Variants in TSHZ2 observed in about 807,000 individuals in gnomAD.
The protein encoded by TSHZ2 is teashirt zinc finger homeobox 2, also known as teashirt homolog 2.
In TSHZ2, 21 loss-of-function variants were observed where a neutral mutation model predicts 74.4. That is an observed-to-expected ratio of 0.28 (90% CI 0.20 to 0.41). The LOEUF (loss-of-function observed/expected upper bound fraction) is 0.41. Among genes scored for constraint, TSHZ2 ranks in the 10% least tolerant of loss-of-function variants. The pLI is 1.00. For missense variants in TSHZ2, 1,244 were observed against 1,293.5 expected (o/e 0.96, Z 0.59); for synonymous variants, 540 against 515.3 (o/e 1.05, Z -0.65).
At chr20:53,446,993 AC>A (rs1468514829) in intron 2 of TSHZ2, among the ~76,000 whole-genome samples, 11 of 152,276 alleles carry the variant, frequency 7.2e-5, no homozygotes, top group Admixed American at 5.9e-4. Context: ...GTGGAAACTT[AC>A]ACATTTTTTT....
At chr20:53,402,204 C>A (rs1013873167) in intron 2 of TSHZ2, among the ~76,000 whole-genome samples, 50 of 152,192 alleles carry the variant, frequency 3.3e-4, no homozygotes, top group Non-Finnish European at 2.6e-4. Context: ...ATAATGACTT[C>A]TTTTCCCCTG....
intron 1 of TSHZ2, among the ~76,000 whole-genome samples, chr20:52,998,381 C>G (rs977062353): frequency 6.6e-6 from 1 of 152,166 alleles, no homozygotes; most frequent in Non-Finnish European, 1.5e-5. Flanking sequence ...GTTGGCCAGG[C>G]TGGTCTCGAA....
chr20:53,222,715 CA>C lies in TSHZ2; in HGVS notation c.41-30783del, dbSNP rs538297531. 2.9e-3 allele frequency among the ~76,000 whole-genome samples: 440 copies of C among 152,316 alleles called. 1 individual carries two copies. The highest frequency in any genetic ancestry group is 5.2e-3 in the Admixed American group (80 of 15,290). ...AATGCAGTGAAGTTAGCCAAATGCC[CA>C]GAATCAGCAAGGGGGCTTGGACAGC... On this transcript the variant is annotated intron_variant, in intron 1 of 2. Coordinates refer to ENST00000371497, the MANE Select transcript of TSHZ2 (RefSeq NM_173485.6).
intron 2 of TSHZ2, among the ~76,000 whole-genome samples, chr20:53,414,147 A>T (rs548088054): frequency 3.3e-5 from 5 of 152,198 alleles, no homozygotes; most frequent in South Asian, 2.1e-4. Flanking sequence ...AATAAAATTT[A>T]AAAAATTTAA....
At chr20:53,013,661 T>G (rs888411598) in intron 1 of TSHZ2, among the ~76,000 whole-genome samples, 1 of 152,222 alleles carries the variant, frequency 6.6e-6, no homozygotes, top group Non-Finnish European at 1.5e-5. Flanking sequence ...ACATCTGTTT[T>G]GTTCACCATA....
rs16997737 is a variant in TSHZ2 at position 53,209,570 on chromosome 20, G to A, written c.41-43929G>A. On this transcript the variant is annotated intron_variant, in intron 1 of 2. Coordinates refer to ENST00000371497, the MANE Select transcript of TSHZ2 (RefSeq NM_173485.6). ...TAGGATATATCAATACTATCTAGCC[G>A]TAAAAAAGATACTGACAGGTGGCCC... Among the ~76,000 whole-genome samples, 1,241 of 152,262 alleles carry A rather than the reference G, an allele frequency of 8.2e-3. 70 individuals carry two copies. The highest frequency in any genetic ancestry group is 0.072 in the Admixed American group (1,099 of 15,294).
intron 2 of TSHZ2, among the ~76,000 whole-genome samples, chr20:53,469,331 G>A (rs1049649816): frequency 5.3e-5 from 8 of 151,616 alleles, no homozygotes; most frequent in Admixed American, 3.3e-4. Flanking sequence ...ATCACTTGAG[G>A]TCAGAAGTTC....
At chr20:53,156,232 T>C (rs1452736499) in intron 1 of TSHZ2, among the ~76,000 whole-genome samples, 1 of 152,220 alleles carries the variant, frequency 6.6e-6, no homozygotes, top group Non-Finnish European at 1.5e-5. Flanking sequence ...CCAAAAAAGC[T>C]AGTTGAAGAG....
At chr20:53,309,348 C>T (rs182494568) in intron 2 of TSHZ2, among the ~76,000 whole-genome samples, 57 of 152,186 alleles carry the variant, frequency 3.7e-4, no homozygotes, top group African/African-American at 1.3e-3. Flanking sequence ...TCCCACCCCA[C>T]TTCTATACCA....
intron 1 of TSHZ2, among the ~76,000 whole-genome samples, chr20:53,083,536 G>A (rs1216735014): frequency 6.6e-6 from 1 of 152,200 alleles, no homozygotes; most frequent in Non-Finnish European, 1.5e-5. Context: ...GATATGATCA[G>A]GTTACCTGAT....
At chr20:53,286,846 A>T (rs1440704064) in intron 2 of TSHZ2, among the ~76,000 whole-genome samples, 1 of 151,892 alleles carries the variant, frequency 6.6e-6, no homozygotes, top group African/African-American at 2.4e-5. Flanking sequence ...GTACCAATAT[A>T]CTTCAGCATG....
chr20:53,458,750 C>T (rs1201029194), intron 2 of TSHZ2, among the ~76,000 whole-genome samples: 2 of 152,024 alleles, frequency 1.3e-5, no homozygotes, highest in African/African-American at 4.8e-5. Flanking sequence ...CCCAGAGATT[C>T]TGGTATGTTG....
intron 1 of TSHZ2, among the ~76,000 whole-genome samples, chr20:53,123,021 C>G (rs1986855039): frequency 6.6e-6 from 1 of 152,208 alleles, no homozygotes; most frequent in Non-Finnish European, 1.5e-5. Flanking sequence ...ACATAAGAAG[C>G]ACCACCCATA....
intron 1 of TSHZ2, among the ~76,000 whole-genome samples, chr20:53,191,545 C>T (rs1241457623): frequency 6.6e-6 from 1 of 152,214 alleles, no homozygotes; most frequent in African/African-American, 2.4e-5. Context: ...TGGCTGTAGT[C>T]TCAGCCACTT....
chr20:52,995,430 C>T (rs1419533690), intron 1 of TSHZ2, among the ~76,000 whole-genome samples: 1 of 152,156 alleles, frequency 6.6e-6, no homozygotes, highest in Non-Finnish European at 1.5e-5. Context: ...CTTTCTCTGG[C>T]TCTGTGCATC....
At chr20:53,177,063 T>G (rs1988360474) in intron 1 of TSHZ2, among the ~76,000 whole-genome samples, 1 of 152,128 alleles carries the variant, frequency 6.6e-6, no homozygotes, top group Admixed American at 6.5e-5. Flanking sequence ...TTATTATCAT[T>G]GTAGAAATGG....
intron 1 of TSHZ2, among the ~76,000 whole-genome samples, chr20:53,166,279 A>C (rs1380750348): frequency 6.6e-6 from 1 of 152,190 alleles, no homozygotes; most frequent in Non-Finnish European, 1.5e-5. Flanking sequence ...TTGAAAACCA[A>C]CTGGGTAAGA....
At chr20:53,301,982 G>A (rs1029730263) in intron 2 of TSHZ2, among the ~76,000 whole-genome samples, 3 of 152,214 alleles carry the variant, frequency 2.0e-5, no homozygotes, top group Non-Finnish European at 4.4e-5. Context: ...AAATCCACTA[G>A]TTGAATACCC....
At chr20:52,974,257 T>C (rs1322811483) in intron 1 of TSHZ2, among the ~76,000 whole-genome samples, 1 of 152,234 alleles carries the variant, frequency 6.6e-6, no homozygotes, top group Non-Finnish European at 1.5e-5. Context: ...GCTTTCCACT[T>C]GATTGCTAGT....
Sources: allele counts gnomAD v4.1 joint callset (sites outside exome capture counted in the v4.1 genomes callset), GRCh38; gene constraint gnomAD v4.1.1; transcripts MANE v1.5; gene names NCBI Gene and HGNC (gene_info 2026-07-23, HGNC 2026-07-21).